Variants in MAZ observed in about 807,000 individuals in gnomAD.
MAZ encodes myc-associated zinc finger protein.
MAZ carries 4 observed loss-of-function variants against 32.7 expected under a neutral mutation model. The observed-to-expected ratio is 0.12, with a 90% confidence interval of 0.06 to 0.28. The LOEUF (loss-of-function observed/expected upper bound fraction) is 0.28, where lower values mean the gene tolerates loss of function less well. Ranked by LOEUF, MAZ falls within the 10% of genes least tolerant of loss-of-function variation. MAZ has a pLI of 1.00. For synonymous variants in MAZ, 510 were observed against 297.6 expected, an observed-to-expected ratio of 1.71 and a Z score of -7.35; for missense variants, 763 against 667.2, an observed-to-expected ratio of 1.14 and a Z score of -1.58.
intron 4 of MAZ, 190 bp from the exon 5 acceptor site, chr16:29,809,887 C>T (rs537152646): frequency 5.4e-6 from 6 of 1,103,112 alleles, no homozygotes; most frequent in South Asian, 3.1e-5. Context: ...GCTAGGGAGA[C>T]TTCTGGGCAC....
chr16:29,809,473 G>A, intron 4 of MAZ: 3 of 1,014,664 alleles, frequency 3.0e-6, no homozygotes, highest in South Asian at 1.3e-5. Flanking sequence ...CCGCCTAGGA[G>A]ATCAGCCCCG....
rs532838091 is a variant in MAZ at position 29,807,715 on chromosome 16, G to C, written c.930G>C (p.Pro310=). 6.2e-7 allele frequency: 1 copy of C among 1,612,804 alleles called. No homozygotes were observed. Residue 310 remains proline, a synonymous_variant, in exon 2 of 5, where the codon CCG becomes CCC. Transcript: ENST00000322945. ...CGGACGAGAAGCCCTACCAGTGCCC[G>C]GTGTGCCAGCAGCGCTTCAAGCGCA... is the stretch of plus-strand genomic sequence containing the variant. ...SHSDEKPYQC[P]VCQQRFKRKD...
chr16:29,809,717 C>A, intron 4 of MAZ: 2 of 1,470,594 alleles, frequency 1.4e-6, no homozygotes, highest in Non-Finnish European at 1.8e-6. Flanking sequence ...CCGGGAGACG[C>A]CCCCCAGCCA....
intron 3 of MAZ, 63 bp from the exon 4 acceptor site, chr16:29,808,507 C>G (rs1266144911): frequency 1.2e-5 from 14 of 1,162,088 alleles, no homozygotes; most frequent in Non-Finnish European, 1.6e-5. Flanking sequence ...TTGCTCCCCC[C>G]TCCCCAGCCC....
chr16:29,808,864 G>A, intron 4 of MAZ, 123 bp downstream of exon 4: 2 of 886,900 alleles, frequency 2.3e-6, no homozygotes, highest in Non-Finnish European at 3.4e-6. Context: ...ATTCCTACAA[G>A]AGGTCAAGGG....
chr16:29,808,257 A>G lies in MAZ; in HGVS notation c.1071A>G (p.Arg357=). The G allele has an allele frequency of 6.2e-7, 1 of 1,614,052 alleles. No homozygotes were observed. Among genetic ancestry groups the G allele is most frequent in the Non-Finnish European group, 8.5e-7 (1 of 1,179,988 alleles). The stretch of plus-strand genomic sequence containing the variant: ...CGGATCACCTCAACAGTCACGTCAG[A>G]CAAGTGCACTCAACAGAACGGCCCT... ...SRPDHLNSHV[R]QVHSTERPFK... The change falls in exon 3 of 5, where the codon AGA becomes AGG. Residue 357 remains arginine (R), a synonymous_variant. Transcript: ENST00000322945.
At chr16:29,809,812 C>T (rs1899809679) in intron 4 of MAZ, 2 of 1,075,238 alleles carry the variant, frequency 1.9e-6, no homozygotes, top group South Asian at 1.7e-5. Context: ...GTGTGGGGGA[C>T]AACGGGGCTC....
intron 4 of MAZ, chr16:29,809,188 T>C (rs1899755965): frequency 2.0e-6 from 1 of 495,054 alleles, no homozygotes; most frequent in Middle Eastern, 5.2e-4. Context: ...TTAACTGGGT[T>C]GAGACCGCGG....
rs368926958 is a variant in MAZ at position 29,807,430 on chromosome 16, C to T, written c.645C>T (p.Ala215=). 6.1e-5 allele frequency: 98 copies of T among 1,612,432 alleles called. No homozygotes were observed. Among genetic ancestry groups the T allele is most frequent in the Admixed American group, 4.0e-4 (24 of 60,012 alleles). The change falls in exon 2 of 5, where the codon GCC becomes GCT. Residue 215 remains alanine (A), a synonymous_variant. Transcript: ENST00000322945. Reference sequence around the variant, plus strand: ...GGCACGAAGCCATCCACACGGGAGCCAAGGCCGGCCGGGTCCCCTCGGGTG... The same window carrying T: ...GGCACGAAGCCATCCACACGGGAGCTAAGGCCGGCCGGGTCCCCTCGGGTG... ...LRRHEAIHTG[A]KAGRVPSGAM...
In MAZ at chr16:29,807,499, G is replaced by T. The variant is rs1899585905; in HGVS notation, c.714G>T (p.Val238=). The change falls in exon 2 of 5, where the codon GTG becomes GTT. Residue 238 remains valine, a synonymous_variant. Transcript: ENST00000322945. ...TGGTGCCCCTGAGCCTCCTGAGCGT[G>T]CCCCAGCTGAGCGGAGCCGGCGGGG... ...PTMVPLSLLS[V]PQLSGAGGGG... is the part of the protein sequence containing the mutation. 3 of 1,611,576 alleles carry T rather than the reference G, an allele frequency of 1.9e-6. No individual in the cohort carries two copies. Among genetic ancestry groups the T allele is most frequent in the Non-Finnish European group, 2.5e-6 (3 of 1,179,302 alleles).
At chr16:29,808,804 G>T in intron 4 of MAZ, 63 bp downstream of exon 4, 1 of 1,541,224 alleles carries the variant, frequency 6.5e-7, no homozygotes, top group Non-Finnish European at 8.8e-7. Context: ...CAGACGCCTT[G>T]CCACGGATAC....
rs1555501536 is a variant in MAZ, at chr16:29,810,108, A to AGCGGCAGCG, written c.1323_1331dup (p.Ala446_Ala448dup). 1.9e-3 allele frequency: 2,907 copies of AGCGGCAGCG among 1,542,892 alleles called. 7 individuals are homozygous for AGCGGCAGCG. The highest frequency in any genetic ancestry group is 2.8e-3 in the Admixed American group (164 of 58,326). ...GTGAGGTTTGTCCAATGGCGGCGGCAGCGGCAGCGGCGGCAGCGGCAGCAG... is the reference window on the plus strand; with the variant it reads ...GTGAGGTTTGTCCAATGGCGGCGGCAGCGGCAGCGGCGGCAGCGGCGGCAGCGGCAGCAG... On this transcript the variant is annotated inframe_insertion, in exon 5 of 5. Transcript: ENST00000322945.
chr16:29,808,455 C>T (rs772761358), intron 3 of MAZ, 115 bp from the exon 4 acceptor site: 34 of 1,005,522 alleles, frequency 3.4e-5, no homozygotes, highest in Non-Finnish European at 4.8e-5. Context: ...CTCCCATTTC[C>T]TACAGATCAA....
chr16:29,806,573 C>T lies in MAZ; in HGVS notation c.-129C>T. 2 of 950,280 alleles carry T rather than the reference C, an allele frequency of 2.1e-6. No individual in the cohort carries two copies. The highest frequency in any genetic ancestry group is 2.5e-6 in the Non-Finnish European group (2 of 804,408). 58.9% of individuals were successfully genotyped at this position (950,280 alleles called of 1,614,324 possible). A position where few individuals can be genotyped will look rare whatever the true frequency, so the allele number is the denominator to read the frequency against. ...CGGCCGGGGTGCGCGGGCGGCGGGG[C>T]GGCCCGCGGGCCATGCGTTCGGCGC... On this transcript the variant is annotated 5_prime_UTR_variant, in exon 1 of 5. Coordinates refer to ENST00000322945, the MANE Select transcript of MAZ (RefSeq NM_002383.4).
At position 29,806,833 on chromosome 16, in the gene MAZ, C is replaced by G. The variant is rs745421122; in HGVS notation, c.132C>G (p.Val44=). 3.5e-6 allele frequency: 5 copies of G among 1,423,016 alleles called. No individual in the cohort carries two copies. In the South Asian group the frequency reaches 5.2e-5, roughly 15 times the overall value. The allele number at this position is 1,423,016 out of a possible 1,614,324, so 88.1% of individuals were successfully genotyped here. Residue 44 remains valine (V), a synonymous_variant, in exon 1 of 5, where the codon GTC becomes GTG. Transcript: ENST00000322945. ...GTCACGCCCAGAACCCCCTGCAGGT[C>G]GGGGCTGAGCTCCAGTCCCGCTTCT... ...PQGHAQNPLQ[V]GAELQSRFFA... is the part of the protein sequence containing the mutation.
At chr16:29,809,512 C>A (rs765983867) in intron 4 of MAZ, 3 of 1,472,252 alleles carry the variant, frequency 2.0e-6, no homozygotes, top group East Asian at 2.3e-5. Flanking sequence ...GGCTGACCCC[C>A]GCCCCATCCC....
chr16:29,807,085 GGCCGCTGCCGCCGCTGCTGCC>G lies in MAZ; in HGVS notation c.305_325del (p.Ala102_Ala108del), dbSNP rs1567367981. The G allele has an allele frequency of 4.0e-6, 4 of 1,011,642 alleles. No homozygotes were observed. The highest frequency in any genetic ancestry group is 4.2e-5 in the South Asian group (1 of 23,548). 62.7% of individuals were successfully genotyped at this position (1,011,642 alleles called of 1,614,324 possible). A position where few individuals can be genotyped will look rare whatever the true frequency, so the allele number is the denominator to read the frequency against. ...CCCAGGAGTCCGCCGCGGCTGCTGC[GGCCGCTGCCGCCGCTGCTGCC>G]GCCGTCGCTGCCGCGCCCCCGGCCC... On this transcript the variant is annotated inframe_deletion, in exon 2 of 5. Transcript: ENST00000322945.
chr16:29,808,040 C>G (rs1273483729), intron 2 of MAZ, 190 bp from the exon 3 acceptor site: 1 of 1,059,384 alleles, frequency 9.4e-7, no homozygotes, highest in South Asian at 1.5e-5. Context: ...ACGGAAGCTT[C>G]GCGTGGGAGG....
chr16:29,809,833 A>C, intron 4 of MAZ: 1 of 977,122 alleles, frequency 1.0e-6, no homozygotes, highest in South Asian at 1.7e-5. Context: ...AAAGGGCCCA[A>C]TAGGGGATCT....
Sources: gnomAD v4.1 joint callset for allele counts on GRCh38, gnomAD v4.1.1 for gene constraint, MANE v1.5 for transcripts, NCBI Gene and HGNC (gene_info 2026-07-23, HGNC 2026-07-21) for gene names.